Variants in CRACD observed in about 807,000 individuals in gnomAD.
The protein encoded by CRACD is capping protein-inhibiting regulator of actin dynamics.
Under a neutral mutation model 106.8 loss-of-function variants are expected in CRACD, and 56 were observed. That is an observed-to-expected ratio of 0.52 (90% CI 0.42 to 0.66). The LOEUF is 0.66. Among genes scored for constraint, CRACD ranks in the 30% least tolerant of loss-of-function variants. The probability of loss-of-function intolerance (pLI) is 0.00; values close to 1 mark genes in which losing one functional copy is unlikely to be tolerated. For synonymous variants in CRACD, 754 were observed against 670.8 expected, an observed-to-expected ratio of 1.12 and a Z score of -1.92; for missense variants, 1,730 against 1,623.2, an observed-to-expected ratio of 1.07 and a Z score of -1.13.
At chr4:56,099,016 C>G (rs1733693848) in intron 1 of CRACD, among the ~76,000 whole-genome samples, 1 of 152,162 alleles carries the variant, frequency 6.6e-6, no homozygotes, top group Non-Finnish European at 1.5e-5. Flanking sequence ...AGCATGAACT[C>G]TCTGCTGAAT....
intron 1 of CRACD, among the ~76,000 whole-genome samples, chr4:56,054,699 C>A (rs932099082): frequency 1.3e-5 from 2 of 152,084 alleles, no homozygotes; most frequent in Admixed American, 6.6e-5. Flanking sequence ...AACTGAGTAA[C>A]AACCCTGAAG....
intron 3 of CRACD, among the ~76,000 whole-genome samples, chr4:56,289,174 G>A (rs1743555160): frequency 6.6e-6 from 1 of 152,168 alleles, no homozygotes; most frequent in African/African-American, 2.4e-5. Context: ...TGATGATAAG[G>A]TTCTAAAAGT....
In CRACD at chr4:56,307,590, T is replaced by C. The variant is rs1744818424; in HGVS notation, c.176T>C (p.Met59Thr). The C allele has an allele frequency of 6.2e-7, 1 of 1,614,080 alleles. No homozygotes were observed. Among genetic ancestry groups the C allele is most frequent in the Non-Finnish European group, 8.5e-7 (1 of 1,180,046 alleles). ...CAGCGGTCACCCAATGCCATTCCCA[T>C]GAATAAGGCAAACAGTGGAGAGGCT... Reference protein sequence around the residue: ...FGQRSPNAIPMNKANSGEASL... With the variant: ...FGQRSPNAIPTNKANSGEASL... Residue 59 changes from methionine to threonine, a missense_variant, in exon 5 of 11, where the codon ATG becomes ACG. Physicochemically the swap from Met to Thr is moderately conservative, Grantham distance 81 (BLOSUM62 -1). Transcript: ENST00000682029.
At chr4:56,151,741 C>G (rs1458803828) in intron 1 of CRACD, among the ~76,000 whole-genome samples, 1 of 152,036 alleles carries the variant, frequency 6.6e-6, no homozygotes. Context: ...ATTCCTCAAC[C>G]CTTCTTTGAC....
chr4:56,280,299 GA>G (rs937794605), intron 3 of CRACD, among the ~76,000 whole-genome samples: 52 of 141,914 alleles, frequency 3.7e-4, no homozygotes, highest in African/African-American at 8.0e-4. Context: ...ATAATAAAAA[GA>G]AAAAAAAAAA....
chr4:56,065,275 A>G (rs1400172505), intron 1 of CRACD, among the ~76,000 whole-genome samples: 2 of 151,910 alleles, frequency 1.3e-5, no homozygotes, highest in Non-Finnish European at 2.9e-5. Flanking sequence ...TTTAGTAGAG[A>G]TGGGGTTTCA....
At chr4:56,123,623 G>A (rs992393699) in intron 1 of CRACD, among the ~76,000 whole-genome samples, 1 of 152,060 alleles carries the variant, frequency 6.6e-6, no homozygotes, top group Non-Finnish European at 1.5e-5. Context: ...TATTAATCTC[G>A]TTTTATAGAT....
intron 1 of CRACD, among the ~76,000 whole-genome samples, chr4:56,172,999 G>T (rs181252295): frequency 1.3e-5 from 2 of 152,086 alleles, no homozygotes; most frequent in Non-Finnish European, 2.9e-5. Flanking sequence ...CAGGTGATCC[G>T]CCCGCCTCGG....
chr4:56,322,632 C>T (rs147317457), intron 8 of CRACD, among the ~76,000 whole-genome samples: 1 of 152,296 alleles, frequency 6.6e-6, no homozygotes, highest in African/African-American at 2.4e-5. Flanking sequence ...CCCCATTAGG[C>T]AGAGTAGTGC....
At chr4:56,174,189 A>T (rs762094517) in intron 1 of CRACD, among the ~76,000 whole-genome samples, 3 of 152,178 alleles carry the variant, frequency 2.0e-5, no homozygotes, top group Non-Finnish European at 4.4e-5. Context: ...ATAGTTGTAC[A>T]TATTTATGGG....
intron 2 of CRACD, among the ~76,000 whole-genome samples, chr4:56,251,265 T>C (rs1741040556): frequency 6.6e-6 from 1 of 152,214 alleles, no homozygotes; most frequent in African/African-American, 2.4e-5. Context: ...CCTGGTTTCT[T>C]CACTCATTTG....
intron 10 of CRACD, among the ~76,000 whole-genome samples, chr4:56,324,738 T>G (rs1195969796): frequency 6.6e-6 from 1 of 152,188 alleles, no homozygotes; most frequent in African/African-American, 2.4e-5. Flanking sequence ...ATAGCAGGAC[T>G]TGGGGTAAAG....
At chr4:56,111,620 C>T (rs1228566789) in intron 1 of CRACD, among the ~76,000 whole-genome samples, 2 of 152,230 alleles carry the variant, frequency 1.3e-5, no homozygotes, top group Non-Finnish European at 2.9e-5. Flanking sequence ...TGGCTCACTG[C>T]AGCCTCTGCC....
chr4:56,226,722 C>T (rs913881164), intron 2 of CRACD, among the ~76,000 whole-genome samples: 1 of 152,014 alleles, frequency 6.6e-6, no homozygotes, highest in Non-Finnish European at 1.5e-5. Context: ...TGAATGCCCT[C>T]CCTGTGGGGC....
intron 1 of CRACD, among the ~76,000 whole-genome samples, chr4:56,100,336 A>G (rs1733740044): frequency 6.6e-6 from 1 of 152,202 alleles, no homozygotes; most frequent in Admixed American, 6.5e-5. Context: ...AGCTAAATTT[A>G]ATAAATTACT....
chr4:56,113,522 G>T (rs1161219073), intron 1 of CRACD, among the ~76,000 whole-genome samples: 4 of 151,256 alleles, frequency 2.6e-5, no homozygotes, highest in East Asian at 1.9e-4. Context: ...TCTCCACATT[G>T]TTCCACTTGA....
intron 2 of CRACD, among the ~76,000 whole-genome samples, chr4:56,270,522 G>T (rs1415607014): frequency 6.6e-6 from 1 of 152,152 alleles, no homozygotes; most frequent in Non-Finnish European, 1.5e-5. Context: ...GGTGGAAGGT[G>T]GGGGAGTTGT....
At chr4:56,251,236 C>T (rs938626139) in intron 2 of CRACD, among the ~76,000 whole-genome samples, 1 of 152,184 alleles carries the variant, frequency 6.6e-6, no homozygotes, top group Non-Finnish European at 1.5e-5. Context: ...GTGTAGACAT[C>T]AGGCTGAGAG....
chr4:56,319,727 C>T (rs1001774520), intron 8 of CRACD, among the ~76,000 whole-genome samples: 1 of 152,122 alleles, frequency 6.6e-6, no homozygotes, highest in Non-Finnish European at 1.5e-5. Flanking sequence ...CTGTGACGTA[C>T]GCAACCATTT....
Sources: gnomAD v4.1 joint callset for allele counts (sites outside exome capture counted in the v4.1 genomes callset) on GRCh38, gnomAD v4.1.1 for gene constraint, MANE v1.5 for transcripts, NCBI Gene and HGNC (gene_info 2026-07-23, HGNC 2026-07-21) for gene names.